Variants in MGAT4C observed in about 807,000 individuals in gnomAD.
MGAT4C encodes the protein alpha-1,3-mannosyl-glycoprotein 4-beta-N-acetylglucosaminyltransferase C.
MGAT4C carries 19 observed loss-of-function variants against 40.1 expected under a neutral mutation model. That is an observed-to-expected ratio of 0.47 (90% CI 0.33 to 0.70). The LOEUF (loss-of-function observed/expected upper bound fraction) is 0.70. Among genes scored for constraint, MGAT4C ranks in the 30% least tolerant of loss-of-function variants. MGAT4C has a pLI of 0.02. For synonymous variants in MGAT4C, 181 were observed against 187.1 expected (o/e 0.97, Z 0.27); for missense variants, 491 against 563.2 (o/e 0.87, Z 1.30).
At chr12:86,423,259 TAAATA>T (rs770965342) in intron 3 of MGAT4C, among the ~76,000 whole-genome samples, 30 of 152,072 alleles carry the variant, frequency 2.0e-4, no homozygotes, top group Non-Finnish European at 3.5e-4. Context: ...CAGGGTGCAT[TAAATA>T]AAACACTATT....
chr12:86,305,921 T>C (rs1217461809), intron 4 of MGAT4C, among the ~76,000 whole-genome samples: 1 of 150,570 alleles, frequency 6.6e-6, no homozygotes, highest in Non-Finnish European at 1.5e-5. Context: ...CTTACTTTTA[T>C]ATAAAGTTGT....
At chr12:86,453,910 T>C (rs1252574093) in intron 2 of MGAT4C, among the ~76,000 whole-genome samples, 1 of 152,064 alleles carries the variant, frequency 6.6e-6, no homozygotes, top group Admixed American at 6.6e-5. Context: ...ACAAATATAC[T>C]CACACTTGCC....
intron 4 of MGAT4C, among the ~76,000 whole-genome samples, chr12:86,329,218 G>A (rs1954598630): frequency 6.6e-6 from 1 of 151,810 alleles, no homozygotes; most frequent in South Asian, 2.1e-4. Flanking sequence ...ACATAACCTT[G>A]TTCCAAAACT....
intron 2 of MGAT4C, among the ~76,000 whole-genome samples, chr12:86,666,064 A>G (rs750784973): frequency 4.6e-5 from 7 of 152,238 alleles, no homozygotes; most frequent in Non-Finnish European, 1.0e-4. Flanking sequence ...TGAAACTGGA[A>G]AAGTAGTAAT....
intron 2 of MGAT4C, among the ~76,000 whole-genome samples, chr12:86,616,575 G>C (rs1962456659): frequency 6.6e-6 from 1 of 151,936 alleles, no homozygotes; most frequent in Non-Finnish European, 1.5e-5. Context: ...TGATATTCTT[G>C]AAATACTGAA....
intron 3 of MGAT4C, among the ~76,000 whole-genome samples, chr12:86,428,966 G>C (rs913968714): frequency 6.6e-6 from 1 of 151,268 alleles, no homozygotes; most frequent in Admixed American, 6.6e-5. Context: ...TTTCTAATTC[G>C]ATATTTATTA....
At chr12:86,774,290 T>TCTTTCTTC (rs1491260862) in intron 1 of MGAT4C, among the ~76,000 whole-genome samples, 34 of 26,128 alleles carry the variant, frequency 1.3e-3, no homozygotes, top group African/African-American at 3.0e-3. Context: ...GCTCTTTCTT[T>TCTTTCTTC]CTTTCTTTCT....
rs546559402 is a variant in MGAT4C at position 86,588,495 on chromosome 12, A to G, written c.-229+138714T>C. ...CACTGTCAACATTAGACAGATCAAC[A>G]AGACAGAAAGTTAACAAGGACACCC... On this transcript the variant is annotated intron_variant, in intron 2 of 7. Transcript: ENST00000548651. Among the ~76,000 whole-genome samples the G allele has an allele frequency of 2.1e-3, 318 of 152,026 alleles. 1 individual carries two copies. The highest frequency in any genetic ancestry group is 7.0e-3 in the African/African-American group (292 of 41,486).
At chr12:86,044,616 G>T (rs978460819) in intron 2 of MGAT4C, among the ~76,000 whole-genome samples, 1 of 152,110 alleles carries the variant, frequency 6.6e-6, no homozygotes, top group Non-Finnish European at 1.5e-5. Context: ...GTCAGGGGAA[G>T]GGGCAGGTGA....
Position 85,966,666 on chromosome 12 carries a change from T to C in MGAT4C, c.*12623A>G, listed in dbSNP as rs999006745. The stretch of plus-strand genomic sequence containing the variant: ...AACCAATCCAAATGTCCAACAATGA[T>C]AGACTGGATTAAGAAAATGTGGCAC... On this transcript the variant is annotated 3_prime_UTR_variant, in exon 5 of 5. Transcript: ENST00000611864. 6.6e-6 allele frequency: 1 copy of C among 152,040 alleles called. No homozygotes were observed. 9.4% of individuals were successfully genotyped at this position (152,040 alleles called of 1,614,324 possible).
intron 3 of MGAT4C, among the ~76,000 whole-genome samples, chr12:86,420,790 TATATAC>T (rs1040857058): frequency 1.3e-5 from 2 of 149,014 alleles, no homozygotes; most frequent in Admixed American, 6.7e-5. Flanking sequence ...TATATATATA[TATATAC>T]ACACACACAT....
rs533185972 is a variant in MGAT4C at position 86,241,024 on chromosome 12, A to C, written c.-57+15215T>G. ...CTCTCACAGAATATTCCTCACCTTCAGTTTGTCTGACGTTCATGATTAGTT... is the reference window on the plus strand; with the variant it reads ...CTCTCACAGAATATTCCTCACCTTCCGTTTGTCTGACGTTCATGATTAGTT... On this transcript the variant is annotated intron_variant, in intron 1 of 4. Transcript: ENST00000611864. Among the ~76,000 whole-genome samples, 3 of 152,116 alleles carry C rather than the reference A, an allele frequency of 2.0e-5. No homozygotes were observed. The South Asian group carries it at 6.2e-4, about 31-fold the overall frequency.
At chr12:86,383,787 CTT>C (rs988254782) in intron 3 of MGAT4C, among the ~76,000 whole-genome samples, 7 of 152,022 alleles carry the variant, frequency 4.6e-5, no homozygotes, top group African/African-American at 1.5e-4. Context: ...GGAATGTAGA[CTT>C]TTAAGTTAAT....
At chr12:86,431,570 T>G (rs1957040118) in intron 3 of MGAT4C, among the ~76,000 whole-genome samples, 1 of 152,276 alleles carries the variant, frequency 6.6e-6, no homozygotes, top group Non-Finnish European at 1.5e-5. Context: ...AAAATGCACT[T>G]AACATACTGA....
In MGAT4C at chr12:86,192,262, C is replaced by T. The variant is rs749677511; in HGVS notation, c.-57+63977G>A. Among the ~76,000 whole-genome samples, 3 of 151,976 alleles carry T rather than the reference C, an allele frequency of 2.0e-5. No homozygotes were observed. The East Asian group carries it at 5.8e-4, about 30-fold the overall frequency. On this transcript the variant is annotated intron_variant, in intron 1 of 4. Transcript: ENST00000611864. ...TATAATAGAAAAAAGTATATAATGT[C>T]CAAAATCAAAGAGTGTCTGCTTTAA...
intron 2 of MGAT4C, among the ~76,000 whole-genome samples, chr12:86,656,872 G>A (rs190464527): frequency 6.6e-6 from 1 of 152,000 alleles, no homozygotes; most frequent in Non-Finnish European, 1.5e-5. Context: ...AGAGGTTTAG[G>A]ATTACATTTG....
At chr12:86,235,996 TAG>T (rs1003549815) in intron 1 of MGAT4C, among the ~76,000 whole-genome samples, 1 of 152,058 alleles carries the variant, frequency 6.6e-6, no homozygotes. Flanking sequence ...TGGATTAACA[TAG>T]CATTATGTCA....
chr12:86,539,915 G>A (rs1959144210), intron 2 of MGAT4C, among the ~76,000 whole-genome samples: 2 of 152,122 alleles, frequency 1.3e-5, no homozygotes, highest in South Asian at 4.1e-4. Context: ...TGTAGTTCCA[G>A]TATTAGCCCT....
chr12:86,353,964 G>A (rs1212463547), intron 3 of MGAT4C, among the ~76,000 whole-genome samples: 2 of 152,114 alleles, frequency 1.3e-5, no homozygotes, highest in Non-Finnish European at 2.9e-5. Flanking sequence ...GGATGGAACT[G>A]GAGAAAAGCT....
Sources: gnomAD v4.1 joint callset for allele counts (sites outside exome capture counted in the v4.1 genomes callset) on GRCh38, gnomAD v4.1.1 for gene constraint, MANE v1.5 for transcripts, NCBI Gene and HGNC (gene_info 2026-07-23, HGNC 2026-07-21) for gene names.